The following ABCC4 variants were observed in gnomAD, a reference collection of about 807,000 sequenced individuals.
ABCC4 encodes the protein ATP binding cassette subfamily C member 4 (PEL blood group).
Under a neutral mutation model 168.5 loss-of-function variants are expected in ABCC4, and 102 were observed. That is an observed-to-expected ratio of 0.61 (90% CI 0.52 to 0.71). The LOEUF (loss-of-function observed/expected upper bound fraction) is 0.71. ABCC4 is among the 30% of genes least tolerant of loss of function. ABCC4 has a pLI of 0.00. For missense variants in ABCC4, 1,402 were observed against 1,605.8 expected (o/e 0.87, Z 2.17); for synonymous variants, 617 against 590.7 (o/e 1.04, Z -0.65).
chr13:95,099,400 T>A (rs1222565489), intron 20 of ABCC4, among the ~76,000 whole-genome samples: 1 of 152,190 alleles, frequency 6.6e-6, no homozygotes, highest in Non-Finnish European at 1.5e-5. Context: ...ATGCTCTACA[T>A]CTTGTTTTAG....
intron 26 of ABCC4, among the ~76,000 whole-genome samples, chr13:95,054,684 G>A (rs887197511): frequency 2.0e-5 from 3 of 152,182 alleles, no homozygotes; most frequent in African/African-American, 7.2e-5. Context: ...ACAGATGTGG[G>A]AACAAGAGAA....
chr13:95,025,028 T>C (rs1593955534), intron 30 of ABCC4, among the ~76,000 whole-genome samples: 1 of 151,888 alleles, frequency 6.6e-6, no homozygotes, highest in Non-Finnish European at 1.5e-5. Flanking sequence ...CGCTAAGGTA[T>C]GTCAATAAAG....
intron 3 of ABCC4, among the ~76,000 whole-genome samples, chr13:95,240,179 G>A (rs1339814206): frequency 1.3e-5 from 2 of 152,218 alleles, no homozygotes; most frequent in African/African-American, 2.4e-5. Context: ...GGGGAGGAGG[G>A]ATATGCAATG....
Position 95,062,892 on chromosome 13 carries a change from AAAAAAG to A in ABCC4, c.3211-39_3211-34del, listed in dbSNP as rs763757371. On this transcript the variant is annotated intron_variant, in intron 25 of 30. Coordinates refer to ENST00000645237, the MANE Select transcript of ABCC4 (RefSeq NM_005845.5). ...GAGATCCAGGCGGCAGGATTAAAAA[AAAAAAG>A]AAAAAAATCACAGGATGCAGCAAAA... The A allele has an allele frequency of 4.2e-3, 5,422 of 1,287,050 alleles. 20 individuals are homozygous for A. The highest frequency in any genetic ancestry group is 0.011 in the South Asian group (737 of 64,528). 79.7% of individuals were successfully genotyped at this position (1,287,050 alleles called of 1,614,324 possible).
chr13:95,183,715 C>T (rs1334617226), intron 11 of ABCC4, among the ~76,000 whole-genome samples: 1 of 152,130 alleles, frequency 6.6e-6, no homozygotes, highest in African/African-American at 2.4e-5. Flanking sequence ...GAGTTCAAGA[C>T]CAGCTGGTCA....
chr13:95,166,195 C>G lies in ABCC4; in HGVS notation c.1997G>C (p.Arg666Thr). ...ESSVWSQQSS[R>T]PSLKDGALES... is the part of the protein sequence containing the mutation. ...CAGAGCACCATCTTTCAAGGAGGGT[C>G]TAGAAGATTGTTGAGACCAAACCGA... Residue 666 changes from arginine to threonine, a missense_variant, in exon 15 of 31, where the codon AGA becomes ACA. Arg to Thr is a moderately conservative substitution (Grantham distance 71). This residue lies in a region of ABCC4 where 1,007 missense variants were observed against 1,127.3 expected (regional missense o/e 0.89). Transcript: ENST00000645237. The G allele has an allele frequency of 6.2e-7, 1 of 1,614,120 alleles. No individual in the cohort carries two copies. Among genetic ancestry groups the G allele is most frequent in the South Asian group, 1.1e-5 (1 of 91,076 alleles).
intron 21 of ABCC4, among the ~76,000 whole-genome samples, chr13:95,077,567 G>C (rs909312316): frequency 6.6e-5 from 10 of 151,876 alleles, no homozygotes; most frequent in African/African-American, 2.4e-4. Flanking sequence ...CGAACTCCTG[G>C]GCTCCAGCAA....
chr13:95,183,115 G>T (rs547865490), intron 11 of ABCC4, among the ~76,000 whole-genome samples: 1 of 150,466 alleles, frequency 6.6e-6, no homozygotes, highest in East Asian at 1.9e-4. Flanking sequence ...GCCAGGAGGG[G>T]AATGAGGAAC....
intron 19 of ABCC4, among the ~76,000 whole-genome samples, chr13:95,160,685 A>C (rs2037069034): frequency 6.6e-6 from 1 of 152,224 alleles, no homozygotes; most frequent in Non-Finnish European, 1.5e-5. Context: ...GAAACCTCAC[A>C]GTCAGGGTAT....
At chr13:95,102,292 G>A (rs574890445) in intron 20 of ABCC4, among the ~76,000 whole-genome samples, 19 of 152,088 alleles carry the variant, frequency 1.2e-4, no homozygotes, top group African/African-American at 2.2e-4. Flanking sequence ...CTACAGGCAC[G>A]CACCACTACA....
intron 30 of ABCC4, among the ~76,000 whole-genome samples, chr13:95,024,220 A>C (rs1183759077): frequency 6.6e-6 from 1 of 151,530 alleles, no homozygotes; most frequent in Non-Finnish European, 1.5e-5. Flanking sequence ...AAAAAAAAAA[A>C]AAAAAAAAGT....
At chr13:95,228,764 GAA>G (rs538224986) in intron 4 of ABCC4, among the ~76,000 whole-genome samples, 4 of 120,316 alleles carry the variant, frequency 3.3e-5, no homozygotes, top group Admixed American at 8.9e-5. Flanking sequence ...ACTCTGTCTT[GAA>G]AAAAAAAAAA....
intron 4 of ABCC4, among the ~76,000 whole-genome samples, chr13:95,219,087 T>C (rs1465743175): frequency 6.6e-6 from 1 of 152,146 alleles, no homozygotes; most frequent in African/African-American, 2.4e-5. Flanking sequence ...GCAGTCAATA[T>C]ACATTGAAGG....
intron 29 of ABCC4, among the ~76,000 whole-genome samples, chr13:95,037,996 A>C (rs1231476640): frequency 6.6e-6 from 1 of 152,218 alleles, no homozygotes; most frequent in East Asian, 1.9e-4. Context: ...CTGGGACTAC[A>C]GGTGCACGCC....
chr13:95,033,622 C>T (rs2031987134), intron 30 of ABCC4, among the ~76,000 whole-genome samples: 1 of 151,508 alleles, frequency 6.6e-6, no homozygotes, highest in South Asian at 2.1e-4. Context: ...ATAGCTATAA[C>T]ATATTATAAA....
At chr13:95,214,899 A>C (rs1031283105) in intron 4 of ABCC4, among the ~76,000 whole-genome samples, 9 of 151,764 alleles carry the variant, frequency 5.9e-5, no homozygotes, top group African/African-American at 1.2e-4. Context: ...AAAAAAAAAA[A>C]AAAACACCTG....
chr13:95,133,258 C>T (rs576120268), intron 19 of ABCC4, among the ~76,000 whole-genome samples: 2 of 151,476 alleles, frequency 1.3e-5, no homozygotes, highest in East Asian at 3.9e-4. Flanking sequence ...GGATTACAGG[C>T]GTGCACCACC....
intron 4 of ABCC4, among the ~76,000 whole-genome samples, chr13:95,232,152 GTGGTGA>G (rs1445702460): frequency 8.6e-5 from 13 of 151,654 alleles, no homozygotes; most frequent in African/African-American, 3.1e-4. Context: ...GGTGGTGGTG[GTGGTGA>G]TGATGATGAA....
rs545592733 is a variant in ABCC4 at position 95,080,618 on chromosome 13, C to A, written c.2686+2522G>T. ...CCTCCCAAGTAGCTGGGATTACAGG[C>A]ATGCACCATCACGCCCAGCTAATTT... On this transcript the variant is annotated intron_variant, in intron 21 of 30. Coordinates refer to ENST00000645237, the MANE Select transcript of ABCC4 (RefSeq NM_005845.5). Among the ~76,000 whole-genome samples, 75 of 152,282 alleles carry A rather than the reference C, an allele frequency of 4.9e-4. No individual in the cohort carries two copies. In the East Asian group the frequency reaches 7.3e-3, roughly 15 times the overall value.
Sources: allele counts gnomAD v4.1 joint callset (sites outside exome capture counted in the v4.1 genomes callset), GRCh38; gene constraint gnomAD v4.1.1; regional missense constraint gnomAD v4.1.1; transcripts MANE v1.5; gene names NCBI Gene and HGNC (gene_info 2026-07-23, HGNC 2026-07-21).